PTTG1IP: variants seen among roughly 807,000 people sequenced by gnomAD.
The protein encoded by PTTG1IP is PTTG1 interacting protein, also known as pituitary tumor-transforming gene 1 protein-interacting protein.
In PTTG1IP, 16 loss-of-function variants were observed where a neutral mutation model predicts 24.4. That is an observed-to-expected ratio of 0.66 (90% CI 0.44 to 1.00). PTTG1IP has a LOEUF of 1.00. PTTG1IP is among the 50% of genes least tolerant of loss of function. The pLI is 0.00. For synonymous variants in PTTG1IP, 89 were observed against 96.8 expected, an observed-to-expected ratio of 0.92 and a Z score of 0.47; for missense variants, 241 against 245.8, an observed-to-expected ratio of 0.98 and a Z score of 0.13.
chr21:44,853,903 GC>G (rs956576473), intron 5 of PTTG1IP, among the ~76,000 whole-genome samples: 1 of 152,204 alleles, frequency 6.6e-6, no homozygotes, highest in African/African-American at 2.4e-5. Context: ...ACGCCCCCAA[GC>G]CGACACTTCG....
intron 5 of PTTG1IP, 152 bp downstream of exon 5, chr21:44,855,058 C>G (rs562952990): frequency 1.1e-5 from 8 of 741,910 alleles, no homozygotes; most frequent in Non-Finnish European, 1.6e-5. Context: ...CCGCTGGGGA[C>G]AACCGCCAGC....
chr21:44,857,896 A>G (rs1052330576), intron 3 of PTTG1IP, among the ~76,000 whole-genome samples: 3 of 152,254 alleles, frequency 2.0e-5, no homozygotes, highest in African/African-American at 7.2e-5. Context: ...AGGGAGAACT[A>G]CAGAGGGGAC....
chr21:44,863,110 G>T (rs896390639), intron 2 of PTTG1IP, among the ~76,000 whole-genome samples: 6 of 127,784 alleles, frequency 4.7e-5, no homozygotes, highest in African/African-American at 1.7e-4. Context: ...AGCCCGCCAC[G>T]GCCTCAGCAG....
intron 1 of PTTG1IP, among the ~76,000 whole-genome samples, chr21:44,867,914 G>C (rs1037796616): frequency 6.6e-6 from 1 of 152,100 alleles, no homozygotes; most frequent in Non-Finnish European, 1.5e-5. Flanking sequence ...ATTTAACAGT[G>C]TAGTTCTACA....
At chr21:44,863,484 T>G (rs929536327) in intron 2 of PTTG1IP, among the ~76,000 whole-genome samples, 1 of 152,090 alleles carries the variant, frequency 6.6e-6, no homozygotes, top group Middle Eastern at 3.2e-3. Flanking sequence ...AGAACTGGAG[T>G]CAGGCCTTCA....
At chr21:44,862,766 C>T (rs1026817072) in intron 2 of PTTG1IP, among the ~76,000 whole-genome samples, 1 of 152,182 alleles carries the variant, frequency 6.6e-6, no homozygotes, top group South Asian at 2.1e-4. Context: ...ACCTTAGTGT[C>T]GTGTTTAAGT....
In PTTG1IP at chr21:44,859,884, G is replaced by A. The variant is rs73908941; in HGVS notation, c.277+1279C>T. On this transcript the variant is annotated intron_variant, in intron 3 of 5. Coordinates refer to ENST00000330938, the MANE Select transcript of PTTG1IP (RefSeq NM_004339.4). ...CAATTAGAAGAGTGGTAAGTAAGAC[G>A]TAAGTTGCAGAGGGATCCAAGATGC... Among the ~76,000 whole-genome samples, 227 of 152,278 alleles carry A rather than the reference G, an allele frequency of 1.5e-3. 1 individual carries two copies. Among genetic ancestry groups the A allele is most frequent in the South Asian group, 5.2e-3 (25 of 4,828 alleles).
chr21:44,868,734 T>C (rs946553131), intron 1 of PTTG1IP, among the ~76,000 whole-genome samples: 2 of 152,222 alleles, frequency 1.3e-5, no homozygotes, highest in Non-Finnish European at 2.9e-5. Context: ...GCCTCCATTT[T>C]ACAATCATCA....
Position 44,861,218 on chromosome 21 carries a change from G to A in PTTG1IP, c.222C>T (p.Val74=), listed in dbSNP as rs772696653. The A allele has an allele frequency of 3.1e-6, 5 of 1,614,162 alleles. No individual in the cohort carries two copies. Among genetic ancestry groups the A allele is most frequent in the Non-Finnish European group, 4.2e-6 (5 of 1,180,008 alleles). ...ATTTACAAAGGGAAGCCGGTGGCAA[G>A]ACGCTTGTAACTGGGTAGTCCAGAC... The part of the protein sequence containing the change: ...KACLDYPVTS[V]LPPASLCKLS... The change falls in exon 3 of 6, where the codon GTC becomes GTT. Residue 74 remains valine (V), a synonymous_variant. Transcript: ENST00000330938.
Position 44,853,486 on chromosome 21 carries a change from C to T in PTTG1IP, c.496+1724G>A, listed in dbSNP as rs551624813. ...TCGCGCCACTGCACTCCAGCCTGGG[C>T]GACAAGGTGAGACTCCGTCTCAAAA... On this transcript the variant is annotated intron_variant, in intron 5 of 5. Transcript: ENST00000330938. Among the ~76,000 whole-genome samples the T allele has an allele frequency of 1.6e-3, 213 of 136,536 alleles. 1 individual carries two copies. Among genetic ancestry groups the T allele is most frequent in the African/African-American group, 5.7e-3 (205 of 35,830 alleles). The allele number at this position is 136,536 out of a possible 152,430, so 89.6% of individuals were successfully genotyped here.
At position 44,851,305 on chromosome 21, in the gene PTTG1IP, C is replaced by T; in HGVS notation, c.*276G>A. The stretch of plus-strand genomic sequence containing the variant: ...GGCTTCGTGTGCAGTTAGCGTTTCA[C>T]AAACTGAGAAGAGTATAAAAAAGCC... On this transcript the variant is annotated 3_prime_UTR_variant, in exon 6 of 6. Coordinates refer to ENST00000330938, the MANE Select transcript of PTTG1IP (RefSeq NM_004339.4). The T allele has an allele frequency of 6.8e-7, 1 of 1,460,158 alleles. No homozygotes were observed. The highest frequency in any genetic ancestry group is 2.3e-5 in the Admixed American group (1 of 42,648). 90.5% of individuals were successfully genotyped at this position (1,460,158 alleles called of 1,614,324 possible). A position where few individuals can be genotyped will look rare whatever the true frequency, so the allele number is the denominator to read the frequency against.
Position 44,856,281 on chromosome 21 carries a change from A to G in PTTG1IP, c.361T>C (p.Cys121Arg). The change falls in exon 4 of 6, where the codon TGC becomes CGC. Residue 121 changes from cysteine (C) to arginine (R), a missense_variant. Physicochemically the swap from Cys to Arg is radical, Grantham distance 180. Transcript: ENST00000330938. Reference sequence around the variant, plus strand: ...GGCTTCCGGCTCCTCTTCCTCCTGCAGCAGCAGCAGCAGCAGATGGCAATG... The same window carrying G: ...GGCTTCCGGCTCCTCTTCCTCCTGCGGCAGCAGCAGCAGCAGATGGCAATG... ...LGIAICCCCC[C>R]RRKRSRKPDR... 1 of 1,538,442 alleles carries G rather than the reference A, an allele frequency of 6.5e-7. No homozygotes were observed. Among genetic ancestry groups the G allele is most frequent in the Non-Finnish European group, 8.9e-7 (1 of 1,125,784 alleles).
chr21:44,860,241 C>A (rs577090895), intron 3 of PTTG1IP, among the ~76,000 whole-genome samples: 1 of 152,212 alleles, frequency 6.6e-6, no homozygotes, highest in East Asian at 1.9e-4. Context: ...TGGTGGCGGG[C>A]ACCTGTAGTC....
chr21:44,861,919 C>T (rs972518730), intron 2 of PTTG1IP: 2 of 706,226 alleles, frequency 2.8e-6, no homozygotes, highest in Non-Finnish European at 5.2e-6. Context: ...TACCTCTGAC[C>T]TTCACAACTG....
intron 2 of PTTG1IP, among the ~76,000 whole-genome samples, chr21:44,863,484 T>C (rs929536327): frequency 1.3e-5 from 2 of 152,208 alleles, no homozygotes; most frequent in Non-Finnish European, 2.9e-5. Flanking sequence ...AGAACTGGAG[T>C]CAGGCCTTCA....
At chr21:44,854,356 G>A (rs1022532239) in intron 5 of PTTG1IP, among the ~76,000 whole-genome samples, 2 of 152,220 alleles carry the variant, frequency 1.3e-5, no homozygotes, top group Non-Finnish European at 2.9e-5. Flanking sequence ...GGCGCAGGAC[G>A]ACAGATTCCT....
chr21:44,867,151 C>T (rs895564386), intron 1 of PTTG1IP, among the ~76,000 whole-genome samples: 1 of 152,202 alleles, frequency 6.6e-6, no homozygotes, highest in Non-Finnish European at 1.5e-5. Context: ...ATGCGGCTCT[C>T]GTATCAAGGG....
rs1191677459 is a variant in PTTG1IP, at chr21:44,873,685, C to G, written c.-69G>C. On this transcript the variant is annotated 5_prime_UTR_variant, in exon 1 of 6. Transcript: ENST00000330938. ...GACTCCAGCACAAGCGGTCTCCGCC[C>G]GGAACAGCCGCGGCGCCGGAAGTGG... is the stretch of plus-strand genomic sequence containing the variant. The G allele has an allele frequency of 2.3e-6, 3 of 1,284,840 alleles. No individual in the cohort carries two copies. The highest frequency in any genetic ancestry group is 3.0e-6 in the Non-Finnish European group (3 of 1,013,032). The allele number at this position is 1,284,840 out of a possible 1,614,324, so 79.6% of individuals were successfully genotyped here. A position where few individuals can be genotyped will look rare whatever the true frequency, so the allele number is the denominator to read the frequency against.
At chr21:44,861,615 G>A (rs567627131) in intron 2 of PTTG1IP, 34 of 666,956 alleles carry the variant, frequency 5.1e-5, no homozygotes, top group African/African-American at 4.4e-4. Flanking sequence ...TCAGCCTGCC[G>A]GTTCTGCCTG....
Sources: allele counts gnomAD v4.1 joint callset (sites outside exome capture counted in the v4.1 genomes callset), GRCh38; gene constraint gnomAD v4.1.1; transcripts MANE v1.5; gene names NCBI Gene and HGNC (gene_info 2026-07-23, HGNC 2026-07-21).